Variants in CDK7 observed in about 807,000 individuals in gnomAD.
CDK7 encodes cyclin-dependent kinase 7.
CDK7 carries 25 observed loss-of-function variants against 49.1 expected under a neutral mutation model. The observed-to-expected ratio is 0.51, with a 90% CI of 0.37 to 0.71. CDK7 has a LOEUF of 0.71. Among genes scored for constraint, CDK7 ranks in the 30% least tolerant of loss-of-function variants. CDK7 has a pLI of 0.00. For synonymous variants in CDK7, 107 were observed against 140.0 expected (o/e 0.76, Z 1.67); for missense variants, 316 against 411.7 (o/e 0.77, Z 2.01).
intron 3 of CDK7, 102 bp downstream of exon 3, chr5:69,252,553 A>C: frequency 1.5e-6 from 1 of 667,942 alleles, no homozygotes; most frequent in Non-Finnish European, 2.4e-6. Context: ...TCTGTCACCC[A>C]GGCTGGAGTA....
Position 69,258,053 on chromosome 5 carries a change from A to G in CDK7, c.308A>G (p.Lys103Arg). The change falls in exon 6 of 12, where the codon AAG becomes AGG. Residue 103 changes from lysine (K) to arginine (R), a missense_variant. By Grantham distance (26) the Lys-to-Arg change is conservative. Coordinates refer to ENST00000256443, the MANE Select transcript of CDK7 (RefSeq NM_001799.4). ...FMETDLEVIIKDNSLVLTPSH... is the reference protein window; with the variant it reads ...FMETDLEVIIRDNSLVLTPSH... ...ATACTTGCTTTACAGGTTATAATAA[A>G]GGATAATAGTCTTGTGCTGACACCA... 1 of 1,535,462 alleles carries G rather than the reference A, an allele frequency of 6.5e-7. No homozygotes were observed. The highest frequency in any genetic ancestry group is 9.0e-7 in the Non-Finnish European group (1 of 1,116,722).
At chr5:69,235,278 A>T in intron 1 of CDK7, 116 bp from the exon 2 acceptor site, 1 of 858,576 alleles carries the variant, frequency 1.2e-6, no homozygotes, top group Non-Finnish European at 1.9e-6. Context: ...CCACGTTTCC[A>T]GCCGCCGCGA....
chr5:69,247,076 C>G (rs1454963202), intron 2 of CDK7, among the ~76,000 whole-genome samples: 1 of 152,122 alleles, frequency 6.6e-6, no homozygotes, highest in Non-Finnish European at 1.5e-5. Flanking sequence ...AATCTACAGC[C>G]ATTGGATGAC....
chr5:69,272,597 A>G (rs1751678214), intron 9 of CDK7, among the ~76,000 whole-genome samples: 1 of 152,054 alleles, frequency 6.6e-6, no homozygotes, highest in Admixed American at 6.6e-5. Context: ...TACCCTATAC[A>G]TGTTTTGTTA....
Position 69,242,435 on chromosome 5 carries a change from C to T in CDK7, c.126+6982C>T, listed in dbSNP as rs183155258. 1.7e-3 allele frequency among the ~76,000 whole-genome samples: 252 copies of T among 152,274 alleles called. 1 individual carries two copies. The highest frequency in any genetic ancestry group is 4.6e-3 in the African/African-American group (191 of 41,548). ...TCATATGGGCTCCTGGTCCAAGTGG[C>T]ACCAGTTGGTCCATCAAAATGCAAG... On this transcript the variant is annotated intron_variant, in intron 2 of 11. Coordinates refer to ENST00000256443, the MANE Select transcript of CDK7 (RefSeq NM_001799.4).
intron 7 of CDK7, among the ~76,000 whole-genome samples, chr5:69,260,713 A>G (rs187666419): frequency 6.6e-6 from 1 of 152,352 alleles, no homozygotes; most frequent in East Asian, 1.9e-4. Flanking sequence ...AAAACAGAAA[A>G]TCACATTAAA....
intron 6 of CDK7, among the ~76,000 whole-genome samples, chr5:69,258,376 ATTTTTTTT>A (rs58004328): frequency 2.9e-5 from 3 of 105,036 alleles, no homozygotes; most frequent in African/African-American, 1.1e-4. Context: ...CCAGTCCCTC[ATTTTTTTT>A]TTTTTTTTTT....
upstream of CDK7, chr5:69,234,820 G>A (rs1453339192): frequency 6.8e-6 from 5 of 732,686 alleles, no homozygotes; most frequent in African/African-American, 3.5e-5. Flanking sequence ...TGGGCCTAGC[G>A]CAGCTTCCTC....
intron 2 of CDK7, among the ~76,000 whole-genome samples, chr5:69,239,230 A>C (rs758838985): frequency 7.2e-5 from 11 of 152,212 alleles, no homozygotes; most frequent in Non-Finnish European, 1.6e-4. Flanking sequence ...CCACATTCTC[A>C]ACATCATTTG....
At chr5:69,265,148 C>T (rs1298146060) in intron 8 of CDK7, among the ~76,000 whole-genome samples, 1 of 151,840 alleles carries the variant, frequency 6.6e-6, no homozygotes, top group East Asian at 1.9e-4. Context: ...ACCTGTAGTT[C>T]CAGCTACTCG....
Position 69,269,873 on chromosome 5 carries a change from G to A in CDK7, c.714+580G>A, listed in dbSNP as rs956220580. ...GCTGGCATTACAGGCATGAGCCAGCGCACTTGGCTAACATGATTTTCTAAA... is the reference window on the plus strand; with the variant it reads ...GCTGGCATTACAGGCATGAGCCAGCACACTTGGCTAACATGATTTTCTAAA... On this transcript the variant is annotated intron_variant, in intron 9 of 11. Coordinates refer to ENST00000256443, the MANE Select transcript of CDK7 (RefSeq NM_001799.4). Among the ~76,000 whole-genome samples, 5 of 150,836 alleles carry A rather than the reference G, an allele frequency of 3.3e-5. No homozygotes were observed. The East Asian group carries it at 8.0e-4, about 24-fold the overall frequency.
At chr5:69,266,096 C>G (rs1261988900) in intron 8 of CDK7, among the ~76,000 whole-genome samples, 1 of 152,032 alleles carries the variant, frequency 6.6e-6, no homozygotes, top group Non-Finnish European at 1.5e-5. Context: ...TAATTGGGCT[C>G]TGCAGGCGCT....
rs1449944790 is a variant in CDK7, at chr5:69,257,559, T to C, written c.298-484T>C. On this transcript the variant is annotated intron_variant, in intron 5 of 11. Coordinates refer to ENST00000256443, the MANE Select transcript of CDK7 (RefSeq NM_001799.4). ...TAATACCTGAGGAACGAAAGTGCTTTCTTTTCTTTGATTCTAGCACAAGTA... is the reference window on the plus strand; with the variant it reads ...TAATACCTGAGGAACGAAAGTGCTTCCTTTTCTTTGATTCTAGCACAAGTA... Among the ~76,000 whole-genome samples the C allele has an allele frequency of 3.3e-5, 5 of 152,212 alleles. No individual in the cohort carries two copies. In the East Asian group the frequency reaches 7.7e-4, roughly 23 times the overall value.
chr5:69,268,242 A>G (rs1751289419), intron 8 of CDK7, among the ~76,000 whole-genome samples: 1 of 152,176 alleles, frequency 6.6e-6, no homozygotes, highest in Admixed American at 6.6e-5. Context: ...AGGATCTCGT[A>G]CTTACTCAAC....
intron 9 of CDK7, 41 bp downstream of exon 9, chr5:69,269,334 C>G (rs776863721): frequency 1.8e-5 from 25 of 1,377,304 alleles, no homozygotes; most frequent in Admixed American, 1.2e-4. Context: ...AATTAGGACT[C>G]TGTAAAGTTC....
intron 3 of CDK7, among the ~76,000 whole-genome samples, chr5:69,253,440 A>AT (rs1750281562): frequency 6.6e-6 from 1 of 151,834 alleles, no homozygotes. Flanking sequence ...AATTTTTTGT[A>AT]TTTTTAGTAG....
At chr5:69,261,526 ATGTGTGTG>A (rs35466335) in intron 7 of CDK7, among the ~76,000 whole-genome samples, 1 of 118,044 alleles carries the variant, frequency 8.5e-6, no homozygotes, top group Non-Finnish European at 1.8e-5. Context: ...GTGTGTGTGT[ATGTGTGTG>A]TGGTGTTTTG....
chr5:69,245,090 T>C (rs1376652737), intron 2 of CDK7, among the ~76,000 whole-genome samples: 1 of 152,186 alleles, frequency 6.6e-6, no homozygotes, highest in Admixed American at 6.5e-5. Flanking sequence ...TAGTATTTTT[T>C]GAGGATTTTT....
intron 4 of CDK7, 97 bp from the exon 5 acceptor site, chr5:69,255,363 G>C: frequency 1.5e-6 from 1 of 682,376 alleles, no homozygotes; most frequent in East Asian, 2.5e-5. Flanking sequence ...ATTACCAACA[G>C]TTTAAATGCT....
Sources: allele counts gnomAD v4.1 joint callset (sites outside exome capture counted in the v4.1 genomes callset), GRCh38; gene constraint gnomAD v4.1.1; transcripts MANE v1.5; gene names NCBI Gene and HGNC (gene_info 2026-07-23, HGNC 2026-07-21).